The following BNC2 variants were observed in gnomAD, a reference collection of about 807,000 sequenced individuals.
BNC2 encodes zinc finger protein basonuclin-2.
A neutral mutation model predicts 76.3 loss-of-function variants in BNC2; 20 were observed. That is an observed-to-expected ratio of 0.26 (90% CI 0.18 to 0.38). BNC2 has a LOEUF of 0.38. BNC2 is among the 10% of genes least tolerant of loss of function. BNC2 has a pLI of 1.00. For missense variants in BNC2, 1,382 were observed against 1,399.8 expected (o/e 0.99, Z 0.20); for synonymous variants, 582 against 514.8 (o/e 1.13, Z -1.77).
chr9:16,594,449 A>G (rs1016651447), intron 3 of BNC2, among the ~76,000 whole-genome samples: 1 of 152,212 alleles, frequency 6.6e-6, no homozygotes. Context: ...TTCAAATGCC[A>G]AAGCACTGTA....
Position 16,809,207 on chromosome 9 carries a change from A to C in BNC2, c.3+61439T>G, listed in dbSNP as rs1586901036. ...GCTGCATGTGATGGGAGCTGCCGCT[A>C]GAGGAAGAACTGTTGACAATGAGAT... On this transcript the variant is annotated intron_variant, in intron 1 of 6. Coordinates refer to ENST00000380672, the MANE Select transcript of BNC2 (RefSeq NM_017637.6). Among the ~76,000 whole-genome samples the C allele has an allele frequency of 2.0e-5, 3 of 152,296 alleles. No homozygotes were observed. The South Asian group carries it at 6.2e-4, about 32-fold the overall frequency.
chr9:16,691,774 G>T (rs986603355), intron 3 of BNC2, among the ~76,000 whole-genome samples: 1 of 149,478 alleles, frequency 6.7e-6, no homozygotes, highest in Non-Finnish European at 1.5e-5. Flanking sequence ...CTCCCACAGT[G>T]CTGGGATTAC....
chr9:16,692,232 T>C (rs1346871708), intron 3 of BNC2, among the ~76,000 whole-genome samples: 1 of 152,218 alleles, frequency 6.6e-6, no homozygotes, highest in African/African-American at 2.4e-5. Flanking sequence ...GCAAATACAT[T>C]GTCAACTCTG....
At chr9:16,470,904 C>G (rs181486967) in intron 5 of BNC2, among the ~76,000 whole-genome samples, 1 of 152,188 alleles carries the variant, frequency 6.6e-6, no homozygotes. Flanking sequence ...GGCACTGCTT[C>G]GTGGAGCTGT....
intron 3 of BNC2, among the ~76,000 whole-genome samples, chr9:16,717,132 G>C (rs1824014926): frequency 6.6e-6 from 1 of 152,152 alleles, no homozygotes; most frequent in Admixed American, 6.5e-5. Context: ...ATTAGAAATA[G>C]ACACCTGGAA....
chr9:16,546,648 G>C (rs1004323160), intron 5 of BNC2, among the ~76,000 whole-genome samples: 2 of 152,132 alleles, frequency 1.3e-5, no homozygotes, highest in Admixed American at 6.6e-5. Flanking sequence ...GGCAAGAAAA[G>C]GAACACGAAA....
At chr9:16,583,108 A>C (rs1819673782) in intron 3 of BNC2, 23 bp from the exon 4 acceptor site, 2 of 1,586,718 alleles carry the variant, frequency 1.3e-6, no homozygotes, top group Non-Finnish European at 8.7e-7. Context: ...GGAGGAAAAA[A>C]AGGTCAGCAT....
rs1337686367 is a variant in BNC2, at chr9:16,416,661, G to A, written c.*2328C>T. 1.3e-4 allele frequency: 20 copies of A among 152,480 alleles called. No individual in the cohort carries two copies. Among genetic ancestry groups the A allele is most frequent in the Non-Finnish European group, 2.9e-5 (2 of 68,014 alleles). The allele number at this position is 152,480 out of a possible 1,614,324, so 9.4% of individuals were successfully genotyped here. A position where few individuals can be genotyped will look rare whatever the true frequency, so the allele number is the denominator to read the frequency against. On this transcript the variant is annotated 3_prime_UTR_variant, in exon 7 of 7. Coordinates refer to ENST00000380672, the MANE Select transcript of BNC2 (RefSeq NM_017637.6). Reference sequence around the variant, plus strand: ...TTTCTTTTGTACTGCAAATACTTTTGGTCTTTCCTCCCCGTAGAACAAATG... The same window carrying A: ...TTTCTTTTGTACTGCAAATACTTTTAGTCTTTCCTCCCCGTAGAACAAATG...
intron 5 of BNC2, among the ~76,000 whole-genome samples, chr9:16,524,676 G>GA: frequency 6.6e-6 from 1 of 152,096 alleles, no homozygotes; most frequent in East Asian, 1.9e-4. Context: ...TACAGTGGAA[G>GA]AAAAAATAGA....
intron 5 of BNC2, among the ~76,000 whole-genome samples, chr9:16,497,666 A>G (rs192824003): frequency 4.6e-5 from 7 of 152,288 alleles, no homozygotes; most frequent in Admixed American, 4.6e-4. Flanking sequence ...CGTAGTGGCT[A>G]AGAAAAAAGG....
intron 1 of BNC2, among the ~76,000 whole-genome samples, chr9:16,854,813 G>A (rs148798749): frequency 1.0e-3 from 154 of 151,800 alleles, no homozygotes; most frequent in Admixed American, 2.3e-3. Context: ...GGCAATGGTA[G>A]CAGAAAAAAA....
intron 4 of BNC2, among the ~76,000 whole-genome samples, chr9:16,560,918 T>C (rs1288114455): frequency 6.6e-6 from 1 of 152,074 alleles, no homozygotes; most frequent in Non-Finnish European, 1.5e-5. Flanking sequence ...CGCAGGAAAG[T>C]TCAGAAGTAA....
intron 3 of BNC2, among the ~76,000 whole-genome samples, chr9:16,619,253 A>G (rs1820797104): frequency 6.6e-6 from 1 of 152,204 alleles, no homozygotes; most frequent in Non-Finnish European, 1.5e-5. Context: ...TTTTCTCAAG[A>G]ATACGAAAGA....
intron 5 of BNC2, among the ~76,000 whole-genome samples, chr9:16,453,834 C>A (rs1821392034): frequency 6.6e-6 from 1 of 152,144 alleles, no homozygotes; most frequent in African/African-American, 2.4e-5. Context: ...AACAAAACCT[C>A]AACGGTCCCA....
At chr9:16,571,417 A>T (rs79613143) in intron 4 of BNC2, among the ~76,000 whole-genome samples, 8,346 of 152,236 alleles carry the variant, frequency 0.055, 810 homozygotes, top group African/African-American at 0.19. Context: ...GAAATCTTTC[A>T]TTAATTTTTC....
At chr9:16,849,399 C>T (rs1819071653) in intron 1 of BNC2, among the ~76,000 whole-genome samples, 1 of 136,288 alleles carries the variant, frequency 7.3e-6, no homozygotes, top group Non-Finnish European at 1.5e-5. Context: ...CCCTCTGTCG[C>T]CCAGGCTGGA....
intron 3 of BNC2, among the ~76,000 whole-genome samples, chr9:16,652,598 G>A (rs962673443): frequency 3.3e-5 from 5 of 152,144 alleles, no homozygotes; most frequent in Non-Finnish European, 7.4e-5. Context: ...ACTTGAAAAA[G>A]AGAAACCTCG....
At chr9:16,543,190 C>G (rs961020686) in intron 5 of BNC2, among the ~76,000 whole-genome samples, 1 of 152,176 alleles carries the variant, frequency 6.6e-6, no homozygotes, top group Non-Finnish European at 1.5e-5. Context: ...ATTAAATTTA[C>G]TAAGCTCCAC....
At chr9:16,477,320 G>A (rs1821948272) in intron 5 of BNC2, among the ~76,000 whole-genome samples, 1 of 151,914 alleles carries the variant, frequency 6.6e-6, no homozygotes, top group Non-Finnish European at 1.5e-5. Flanking sequence ...TACCTTTAGG[G>A]TCTAGTATTG....
Sources: gnomAD v4.1 joint callset for allele counts (sites outside exome capture counted in the v4.1 genomes callset) on GRCh38, gnomAD v4.1.1 for gene constraint, MANE v1.5 for transcripts, NCBI Gene and HGNC (gene_info 2026-07-23, HGNC 2026-07-21) for gene names.